CPAP: variants seen among roughly 807,000 people sequenced by gnomAD.
CPAP encodes centrosomal P4.1-associated protein.
At chr13:24,899,334 T>C in the CPAP span, 1 of 1,081,734 alleles carries the variant, frequency 9.2e-7, no homozygotes, top group South Asian at 1.3e-5. Context: ...ACAGTTTTGC[T>C]TTGACATAAG....
the CPAP span, chr13:24,912,552 A>G: frequency 1.3e-6 from 2 of 1,566,854 alleles, no homozygotes; most frequent in South Asian, 2.2e-5. Flanking sequence ...GCAATGACAT[A>G]AATTCACAGT....
chr13:24,905,483 C>G, the CPAP span: 1 of 1,614,178 alleles, frequency 6.2e-7, no homozygotes. Context: ...CCTGGACTTG[C>G]TCAAGTCTTC....
At chr13:24,923,438 A>C in the CPAP span, among the ~76,000 whole-genome samples, 2 of 152,120 alleles carry the variant, frequency 1.3e-5, no homozygotes, top group Non-Finnish European at 2.9e-5. Flanking sequence ...TCTCTCCTCA[A>C]ATGGCTAATC....
At chr13:24,886,426 CTGAT>C in the CPAP span, 1 of 1,192,744 alleles carries the variant, frequency 8.4e-7, no homozygotes, top group Non-Finnish European at 1.1e-6. Context: ...TGGGAAATCA[CTGAT>C]TTATAGGTCC....
At chr13:24,927,928 G>A in the CPAP span, among the ~76,000 whole-genome samples, 1 of 152,192 alleles carries the variant, frequency 6.6e-6, no homozygotes, top group African/African-American at 2.4e-5. Context: ...TAACATCCCA[G>A]TCAGTAAGAC....
At chr13:24,886,592 C>G in the CPAP span, among the ~76,000 whole-genome samples, 2 of 152,112 alleles carry the variant, frequency 1.3e-5, no homozygotes, top group African/African-American at 4.8e-5. Flanking sequence ...TAGGCTTGAG[C>G]AAAGGGGCAG....
At chr13:24,886,774 T>C in the CPAP span, among the ~76,000 whole-genome samples, 6 of 152,204 alleles carry the variant, frequency 3.9e-5, no homozygotes, top group Non-Finnish European at 1.5e-5. Flanking sequence ...TCCCATTTTA[T>C]GGCAAGAAAA....
At chr13:24,908,110 A>T in the CPAP span, 3 of 1,611,436 alleles carry the variant, frequency 1.9e-6, no homozygotes, top group Non-Finnish European at 2.5e-6. Context: ...CTTTCTCCCA[A>T]CATAAGATAC....
chr13:24,922,719 G>A, the CPAP span: 1 of 152,310 alleles, frequency 6.6e-6, no homozygotes, highest in Non-Finnish European at 1.5e-5. Context: ...GGCGCAGGGC[G>A]GCGGACAAAG....
chr13:24,910,679 G>A, the CPAP span, among the ~76,000 whole-genome samples: 2 of 152,206 alleles, frequency 1.3e-5, no homozygotes, highest in Non-Finnish European at 2.9e-5. Flanking sequence ...GACTGCATGA[G>A]GCTAGTTCTT....
At chr13:24,923,740 A>G in the CPAP span, among the ~76,000 whole-genome samples, 2,566 of 152,318 alleles carry the variant, frequency 0.017, 70 homozygotes, top group African/African-American at 0.059. Context: ...TGGTCCTCCA[A>G]AATTTGTTTT....
chr13:24,907,711 G>A, the CPAP span, among the ~76,000 whole-genome samples: 108 of 152,206 alleles, frequency 7.1e-4, no homozygotes, highest in African/African-American at 2.5e-3. Context: ...CACCAAATGG[G>A]AGATGTCAAT....
At chr13:24,889,736 G>C in the CPAP span, among the ~76,000 whole-genome samples, 4 of 152,024 alleles carry the variant, frequency 2.6e-5, no homozygotes, top group African/African-American at 9.7e-5. Context: ...CCTCTCCTGG[G>C]TGCTCCCCAC....
the CPAP span, chr13:24,886,266 G>T: frequency 5.5e-6 from 7 of 1,267,488 alleles, no homozygotes; most frequent in Admixed American, 1.6e-4. Context: ...GCCAGAATCT[G>T]ACCTCCATGT....
the CPAP span, among the ~76,000 whole-genome samples, chr13:24,913,356 A>G: frequency 1.3e-5 from 2 of 152,288 alleles, no homozygotes; most frequent in Non-Finnish European, 2.9e-5. Context: ...TAGCTGAACT[A>G]AACAATGGAA....
At chr13:24,886,272 C>T in the CPAP span, 1 of 1,280,642 alleles carries the variant, frequency 7.8e-7, no homozygotes, top group African/African-American at 1.5e-5. Context: ...ATCTGACCTC[C>T]ATGTTAAAAA....
At chr13:24,919,133 C>T in the CPAP span, among the ~76,000 whole-genome samples, 2 of 152,074 alleles carry the variant, frequency 1.3e-5, no homozygotes, top group African/African-American at 2.4e-5. Flanking sequence ...TGTTAGAACA[C>T]TGTGAGATTT....
chr13:24,894,183 T>C, the CPAP span, among the ~76,000 whole-genome samples: 3 of 151,610 alleles, frequency 2.0e-5, no homozygotes, highest in African/African-American at 7.3e-5. Flanking sequence ...GGGACTGAGG[T>C]TCTTGGAGGA....
the CPAP span, chr13:24,883,399 TA>T: frequency 0.14 from 196,939 of 1,397,308 alleles, 14,001 homozygotes; most frequent in East Asian, 0.28. Flanking sequence ...TATGATTTCT[TA>T]AAAAAAAAAT....
Sources: allele counts gnomAD v4.1 joint callset (sites outside exome capture counted in the v4.1 genomes callset), GRCh38; gene constraint gnomAD v4.1.1; transcripts MANE v1.5; gene names NCBI Gene and HGNC (gene_info 2026-07-23, HGNC 2026-07-21).